The following EPHA5 variants were observed in gnomAD, a reference collection of about 807,000 sequenced individuals.
EPHA5 encodes ephrin type-A receptor 5.
A neutral mutation model predicts 105.0 loss-of-function variants in EPHA5; 60 were observed. The ratio of observed to expected loss-of-function variants is 0.57; its 90% CI spans 0.46 to 0.71. EPHA5 has a LOEUF of 0.71. Among genes scored for constraint, EPHA5 ranks in the 30% least tolerant of loss-of-function variants. EPHA5 has a pLI of 0.00. For synonymous variants in EPHA5, 513 were observed against 449.1 expected (o/e 1.14, Z -1.80); for missense variants, 1,218 against 1,274.7 (o/e 0.96, Z 0.68).
chr4:65,456,350 A>T (rs939809069), intron 5 of EPHA5, among the ~76,000 whole-genome samples: 5 of 151,832 alleles, frequency 3.3e-5, no homozygotes, highest in Admixed American at 1.3e-4. Flanking sequence ...CAGGAGTGGA[A>T]GAAAAGGAAA....
intron 14 of EPHA5, among the ~76,000 whole-genome samples, chr4:65,343,349 TGATG>T (rs1479619542): frequency 9.2e-5 from 14 of 152,124 alleles, no homozygotes; most frequent in African/African-American, 3.4e-4. Context: ...GTTTTCTTCC[TGATG>T]GAAGAGGCAA....
At chr4:65,639,862 G>T (rs766255646) in intron 2 of EPHA5, among the ~76,000 whole-genome samples, 3 of 151,948 alleles carry the variant, frequency 2.0e-5, no homozygotes, top group African/African-American at 7.3e-5. Context: ...TGCTGTTAAG[G>T]CTGTATTGCA....
At chr4:65,553,457 T>A (rs1303802466) in intron 3 of EPHA5, among the ~76,000 whole-genome samples, 1 of 152,102 alleles carries the variant, frequency 6.6e-6, no homozygotes, top group Non-Finnish European at 1.5e-5. Context: ...GCATTTCAAG[T>A]AATTACTTTT....
At chr4:65,497,293 G>T (rs1732039532) in intron 3 of EPHA5, among the ~76,000 whole-genome samples, 1 of 152,062 alleles carries the variant, frequency 6.6e-6, no homozygotes, top group Non-Finnish European at 1.5e-5. Context: ...TCCATGCTAA[G>T]GCTCTCTGCC....
intron 14 of EPHA5, among the ~76,000 whole-genome samples, chr4:65,338,492 C>T (rs1721397444): frequency 1.3e-5 from 2 of 151,778 alleles, no homozygotes; most frequent in Admixed American, 1.3e-4. Flanking sequence ...AATAATCCTT[C>T]CTCCACTAAG....
intron 8 of EPHA5, among the ~76,000 whole-genome samples, chr4:65,401,893 A>ATG (rs557964507): frequency 0.033 from 4,124 of 125,904 alleles, 68 homozygotes; most frequent in African/African-American, 0.077. Context: ...GAATTTGTGT[A>ATG]TGTGTGTGTG....
chr4:65,633,488 T>C (rs1560799721), intron 2 of EPHA5, among the ~76,000 whole-genome samples: 1 of 151,778 alleles, frequency 6.6e-6, no homozygotes, highest in Admixed American at 6.6e-5. Flanking sequence ...AATGGGAAGA[T>C]GGAAGGAAAA....
chr4:65,469,677 C>T (rs142937177), intron 5 of EPHA5, among the ~76,000 whole-genome samples: 1 of 151,988 alleles, frequency 6.6e-6, no homozygotes, highest in Non-Finnish European at 1.5e-5. Flanking sequence ...TAATTTAACA[C>T]AAAAAAATTA....
intron 3 of EPHA5, among the ~76,000 whole-genome samples, chr4:65,574,957 G>T (rs1197807681): frequency 1.3e-5 from 2 of 151,592 alleles, no homozygotes; most frequent in African/African-American, 2.4e-5. Flanking sequence ...ATTGAACAAG[G>T]TTTCCTTTCT....
At position 65,557,258 on chromosome 4, in the gene EPHA5, A is replaced by ATATATATATATATG. The variant is rs1297322719; in HGVS notation, c.910+44382_910+44383insCATATATATATATA. On this transcript the variant is annotated intron_variant, in intron 3 of 16. Transcript: ENST00000613740. ...GATATATATATATATATATATATATATTCTCACACTTTGTTATTAACACTC... is the reference window on the plus strand; with the variant it reads ...GATATATATATATATATATATATATATATATATATATATGTTCTCACACTTTGTTATTAACACTC... Among the ~76,000 whole-genome samples, 63 of 145,112 alleles carry ATATATATATATATG rather than the reference A, an allele frequency of 4.3e-4. 1 individual carries two copies. The highest frequency in any genetic ancestry group is 1.5e-3 in the African/African-American group (58 of 39,756).
chr4:65,366,267 T>C (rs1717900738), intron 9 of EPHA5, among the ~76,000 whole-genome samples: 1 of 151,824 alleles, frequency 6.6e-6, no homozygotes, highest in Non-Finnish European at 1.5e-5. Context: ...GAAATGCATA[T>C]GTGATGACAT....
intron 11 of EPHA5, among the ~76,000 whole-genome samples, chr4:65,358,134 C>T (rs969943929): frequency 2.0e-5 from 3 of 151,564 alleles, no homozygotes; most frequent in Non-Finnish European, 4.4e-5. Context: ...GCAATATCCC[C>T]AGAGGCACAT....
intron 1 of EPHA5, among the ~76,000 whole-genome samples, chr4:65,656,944 C>CGT (rs145415177): frequency 0.26 from 34,147 of 132,702 alleles, 4,771 homozygotes; most frequent in Middle Eastern, 0.41. Context: ...TAAATGAAAA[C>CGT]GTGTGTGTGT....
chr4:65,666,038 T>C (rs1749938313), intron 1 of EPHA5, among the ~76,000 whole-genome samples: 1 of 152,196 alleles, frequency 6.6e-6, no homozygotes, highest in Admixed American at 6.5e-5. Flanking sequence ...ATCTATTATG[T>C]CCTCCAATCT....
intron 3 of EPHA5, among the ~76,000 whole-genome samples, chr4:65,539,020 G>C (rs1018251572): frequency 1.3e-5 from 2 of 151,656 alleles, no homozygotes; most frequent in African/African-American, 4.8e-5. Flanking sequence ...TTCTCTGTTT[G>C]AGCTGTTGTG....
At chr4:65,495,263 T>C in intron 4 of EPHA5, 125 bp downstream of exon 4, 1 of 1,081,998 alleles carries the variant, frequency 9.2e-7, no homozygotes, top group South Asian at 1.6e-5. Flanking sequence ...GAAAACTGTA[T>C]AGAGATGATT....
At chr4:65,424,636 C>A (rs1025866219) in intron 5 of EPHA5, among the ~76,000 whole-genome samples, 1 of 151,804 alleles carries the variant, frequency 6.6e-6, no homozygotes, top group Non-Finnish European at 1.5e-5. Context: ...CTGTTTTATC[C>A]TTTATCAGTC....
At chr4:65,640,275 G>GTTTTTTTC (rs36189833) in intron 2 of EPHA5, among the ~76,000 whole-genome samples, 2 of 130,192 alleles carry the variant, frequency 1.5e-5, no homozygotes, top group Non-Finnish European at 3.1e-5. Context: ...TCATTGCTCA[G>GTTTTTTTC]TTTTTTCTTT....
chr4:65,610,755 G>T (rs1475062018), intron 2 of EPHA5, among the ~76,000 whole-genome samples: 1 of 152,060 alleles, frequency 6.6e-6, no homozygotes, highest in East Asian at 1.9e-4. Context: ...TAGGGTACAT[G>T]TGATCTAATT....
Sources: gnomAD v4.1 joint callset for allele counts (sites outside exome capture counted in the v4.1 genomes callset) on GRCh38, gnomAD v4.1.1 for gene constraint, MANE v1.5 for transcripts, NCBI Gene and HGNC (gene_info 2026-07-23, HGNC 2026-07-21) for gene names.